Variants in PCDHGB5 observed in about 807,000 individuals in gnomAD.
The protein encoded by PCDHGB5 is protocadherin gamma-B5.
Under a neutral mutation model 62.9 loss-of-function variants are expected in PCDHGB5, and 48 were observed. That is an observed-to-expected ratio of 0.76 (90% confidence interval 0.61 to 0.97). PCDHGB5 has a LOEUF of 0.97. Among genes scored for constraint, PCDHGB5 ranks in the 50% least tolerant of loss-of-function variants. The pLI, the probability that PCDHGB5 is intolerant of heterozygous loss-of-function variation, is 0.00. For missense variants in PCDHGB5, 1,118 were observed against 1,198.6 expected (o/e 0.93, Z 0.99); for synonymous variants, 474 against 511.2 (o/e 0.93, Z 0.98).
rs781668632 is a variant in PCDHGB5, at chr5:141,399,294, G to T, written c.1167G>T (p.Lys389Asn). The change falls in exon 1 of 4, where the codon AAG becomes AAT. Residue 389 changes from lysine (K) to asparagine (N), a missense_variant. Coordinates refer to ENST00000617380, the MANE Select transcript of PCDHGB5 (RefSeq NM_018925.3). ...AATTACAAGGCGAAGTCCCTTTTAA[G>T]ATTATCTCTTCATCCAAAAATTCGT... ...NCQLQGEVPF[K>N]IISSSKNSYK... 6.2e-7 allele frequency: 1 copy of T among 1,613,914 alleles called. No homozygotes were observed. The highest frequency in any genetic ancestry group is 1.1e-5 in the South Asian group (1 of 91,086).
intron 1 of PCDHGB5, among the ~76,000 whole-genome samples, chr5:141,494,177 TG>T (rs2099752471): frequency 6.6e-6 from 1 of 152,176 alleles, no homozygotes; most frequent in Non-Finnish European, 1.5e-5. Flanking sequence ...GGGTGAGAAG[TG>T]TCCCGGGACT....
chr5:141,501,125 C>A (rs2099805699), intron 2 of PCDHGB5, among the ~76,000 whole-genome samples: 1 of 152,140 alleles, frequency 6.6e-6, no homozygotes, highest in South Asian at 2.1e-4. Context: ...CCTCAGCCTC[C>A]CTAAGTGCTG....
intron 1 of PCDHGB5, chr5:141,433,196 C>A (rs750657930): frequency 4.4e-6 from 7 of 1,575,116 alleles, no homozygotes; most frequent in African/African-American, 1.4e-5. Context: ...GAGTTTATAT[C>A]AAATCTTCTT....
At chr5:141,411,227 G>A (rs1276536852) in intron 1 of PCDHGB5, 1 of 152,092 alleles carries the variant, frequency 6.6e-6, no homozygotes, top group Non-Finnish European at 1.5e-5. Context: ...TCAAATTTGC[G>A]AAGACTTAGT....
intron 1 of PCDHGB5, among the ~76,000 whole-genome samples, chr5:141,469,600 T>C (rs1276702104): frequency 6.6e-6 from 1 of 151,974 alleles, no homozygotes; most frequent in Non-Finnish European, 1.5e-5. Flanking sequence ...TAAAACAAAA[T>C]AAGTAAAATA....
In PCDHGB5 at chr5:141,409,573, C is replaced by A. The variant is rs562811168; in HGVS notation, c.2397+9049C>A. 7 of 1,613,816 alleles carry A rather than the reference C, an allele frequency of 4.3e-6. No individual in the cohort carries two copies. In the Admixed American group the frequency reaches 1.2e-4, roughly 27 times the overall value. ...CCCCAGTTTTCGACCAGACGTCCTA[C>A]GTGGTCCACGTGGCCGAGAACAACC... On this transcript the variant is annotated intron_variant, in intron 1 of 3. Transcript: ENST00000617380.
At chr5:141,446,098 A>G (rs375135134) in intron 1 of PCDHGB5, among the ~76,000 whole-genome samples, 2 of 152,350 alleles carry the variant, frequency 1.3e-5, no homozygotes, top group African/African-American at 4.8e-5. Flanking sequence ...TGGATGAATT[A>G]TAGATATATT....
In PCDHGB5 at chr5:141,490,912, AATG is replaced by A; in HGVS notation, c.2398-3892_2398-3890del. 6.2e-7 allele frequency: 1 copy of A among 1,613,644 alleles called. No homozygotes were observed. Among genetic ancestry groups the A allele is most frequent in the Non-Finnish European group, 8.5e-7 (1 of 1,179,684 alleles). On this transcript the variant is annotated intron_variant, in intron 1 of 3. Transcript: ENST00000617380. This position sits in a 1 kb window ranked among gnomAD's most constrained non-coding sequence, Gnocchi z 5.4. ...TCTGCATGTGTTTGTCCTAGACGAG[AATG>A]ATAATGCCCCAGCTGTGCTGCACCC...
intron 1 of PCDHGB5, chr5:141,413,430 C>T (rs745782366): frequency 6.2e-7 from 1 of 1,614,078 alleles, no homozygotes; most frequent in Admixed American, 1.7e-5. Context: ...ACCCGCGCAG[C>T]GGCAGCTTGA....
intron 1 of PCDHGB5, chr5:141,419,588 A>C: frequency 6.2e-7 from 1 of 1,611,830 alleles, no homozygotes; most frequent in Non-Finnish European, 8.5e-7. Flanking sequence ...GCTCTTCGAC[A>C]CAGTGCCGCG....
chr5:141,476,642 C>T lies in PCDHGB5; in HGVS notation c.2398-18165C>T. On this transcript the variant is annotated intron_variant, in intron 1 of 3. Transcript: ENST00000617380. This position sits in a 1 kb window ranked among gnomAD's most constrained non-coding sequence, Gnocchi z 7.6. The stretch of plus-strand genomic sequence containing the variant: ...CTCTTTACAAACCTATGAGCTGAGC[C>T]GAAATGAATACTTTGCGCTTCGCGT... The T allele has an allele frequency of 1.9e-6, 3 of 1,614,240 alleles. No individual in the cohort carries two copies. The highest frequency in any genetic ancestry group is 2.5e-6 in the Non-Finnish European group (3 of 1,180,050).
At chr5:141,442,708 A>C (rs2098338740) in intron 1 of PCDHGB5, among the ~76,000 whole-genome samples, 2 of 152,254 alleles carry the variant, frequency 1.3e-5, no homozygotes, top group Non-Finnish European at 2.9e-5. Context: ...AGTATCAGAC[A>C]TGCCAGAGCA....
Position 141,485,468 on chromosome 5 carries a change from A to G in PCDHGB5, c.2398-9339A>G. On this transcript the variant is annotated intron_variant, in intron 1 of 3. Coordinates refer to ENST00000617380, the MANE Select transcript of PCDHGB5 (RefSeq NM_018925.3). This position sits in a 1 kb window ranked among gnomAD's most constrained non-coding sequence, Gnocchi z 5.7. The stretch of plus-strand genomic sequence containing the variant: ...CGACCGAGAGGCACTGTGTGGGCTC[A>G]GTGCCAGCTGCATCGTGCCCCTGGA... 1 of 1,614,166 alleles carries G rather than the reference A, an allele frequency of 6.2e-7. No homozygotes were observed. Among genetic ancestry groups the G allele is most frequent in the Non-Finnish European group, 8.5e-7 (1 of 1,180,020 alleles).
At position 141,477,550 on chromosome 5, in the gene PCDHGB5, C is replaced by T. The variant is rs1262360790; in HGVS notation, c.2398-17257C>T. The T allele has an allele frequency of 4.3e-6, 7 of 1,614,178 alleles. No homozygotes were observed. The highest frequency in any genetic ancestry group is 5.9e-6 in the Non-Finnish European group (7 of 1,180,036). On this transcript the variant is annotated intron_variant, in intron 1 of 3. Transcript: ENST00000617380. This position sits in a 1 kb window ranked among gnomAD's most constrained non-coding sequence, Gnocchi z 4.9. ...ACCTCCCCGGGGCTCCAATACTAAACCTAAGTGTCTGGGACCCCGACGCCC... is the reference window on the plus strand; with the variant it reads ...ACCTCCCCGGGGCTCCAATACTAAATCTAAGTGTCTGGGACCCCGACGCCC...
intron 1 of PCDHGB5, chr5:141,427,774 G>T: frequency 1.4e-6 from 2 of 1,420,908 alleles, no homozygotes; most frequent in Non-Finnish European, 2.0e-6. Context: ...TTGGAGCTGC[G>T]GGCACTGTCG....
intron 1 of PCDHGB5, chr5:141,478,814 C>T (rs1271237848): frequency 6.9e-7 from 1 of 1,451,050 alleles, no homozygotes; most frequent in East Asian, 2.5e-5. Context: ...GCTATCACAA[C>T]TAACCAATCT....
Position 141,491,665 on chromosome 5 carries a change from C to G in PCDHGB5, c.2398-3142C>G. The stretch of plus-strand genomic sequence containing the variant: ...TCTGGCGCTGGAGCCTGACGCCATC[C>G]GGTCCCGCTCTAATACGCTGCGGGA... On this transcript the variant is annotated intron_variant, in intron 1 of 3. Transcript: ENST00000617380. This position sits in a 1 kb window ranked among gnomAD's most constrained non-coding sequence, Gnocchi z 6.9. 1 of 1,613,764 alleles carries G rather than the reference C, an allele frequency of 6.2e-7. No homozygotes were observed. Among genetic ancestry groups the G allele is most frequent in the Non-Finnish European group, 8.5e-7 (1 of 1,180,000 alleles).
chr5:141,432,126 C>T lies in PCDHGB5; in HGVS notation c.2397+31602C>T. ...AACCCGCCGGTCTTCCCTCAGGCCTCCTATTCCGCTTATATCCCAGAGAAC... is the reference window on the plus strand; with the variant it reads ...AACCCGCCGGTCTTCCCTCAGGCCTTCTATTCCGCTTATATCCCAGAGAAC... On this transcript the variant is annotated intron_variant, in intron 1 of 3. Coordinates refer to ENST00000617380, the MANE Select transcript of PCDHGB5 (RefSeq NM_018925.3). This position sits in a 1 kb window ranked among gnomAD's most constrained non-coding sequence, Gnocchi z 6.0. The T allele has an allele frequency of 1.2e-6, 2 of 1,614,144 alleles. No homozygotes were observed. Among genetic ancestry groups the T allele is most frequent in the Non-Finnish European group, 1.7e-6 (2 of 1,180,028 alleles).
intron 1 of PCDHGB5, chr5:141,408,003 C>A: frequency 3.3e-6 from 3 of 917,520 alleles, no homozygotes; most frequent in Non-Finnish European, 4.7e-6. Context: ...GCCTGGGATT[C>A]CCTGCGCAGC....
Sources: gnomAD v4.1 joint callset for allele counts (sites outside exome capture counted in the v4.1 genomes callset) on GRCh38, gnomAD v4.1.1 for gene constraint, Gnocchi (gnomAD v3.1) non-coding constraint, MANE v1.5 for transcripts, NCBI Gene and HGNC (gene_info 2026-07-23, HGNC 2026-07-21) for gene names.